Variants in MYLK observed in about 807,000 individuals in gnomAD.
MYLK encodes the protein myosin light chain kinase, smooth muscle.
Under a neutral mutation model 203.4 loss-of-function variants are expected in MYLK, and 106 were observed. The ratio of observed to expected loss-of-function variants is 0.52; its 90% CI spans 0.45 to 0.61. MYLK has a LOEUF of 0.61. Among genes scored for constraint, MYLK ranks in the 20% least tolerant of loss-of-function variants. The probability of loss-of-function intolerance (pLI) is 0.00; values close to 1 mark genes in which losing one functional copy is unlikely to be tolerated. For synonymous variants in MYLK, 867 were observed against 959.5 expected, an observed-to-expected ratio of 0.90 and a Z score of 1.78; for missense variants, 2,072 against 2,442.3, an observed-to-expected ratio of 0.85 and a Z score of 3.20.
intron 3 of MYLK, chr3:123,799,944 A>T (rs2065134813): frequency 6.6e-6 from 1 of 152,238 alleles, no homozygotes; most frequent in African/African-American, 2.4e-5. Flanking sequence ...CCAAGAATGG[A>T]GACCGAAGGA....
chr3:123,638,231 A>G, intron 28 of MYLK, 37 bp from the exon 29 acceptor site: 1 of 1,612,950 alleles, frequency 6.2e-7, no homozygotes, highest in Non-Finnish European at 8.5e-7. Flanking sequence ...TTGCCAGCAC[A>G]TCACGGAGCC....
At chr3:123,634,979 C>T (rs186120976) in intron 29 of MYLK, among the ~76,000 whole-genome samples, 3 of 152,322 alleles carry the variant, frequency 2.0e-5, no homozygotes, top group Non-Finnish European at 4.4e-5. Context: ...GGGGGCTCCA[C>T]GACCCCATTC....
At chr3:123,804,555 T>C (rs1367684901) in intron 3 of MYLK, among the ~76,000 whole-genome samples, 1 of 152,184 alleles carries the variant, frequency 6.6e-6, no homozygotes, top group Non-Finnish European at 1.5e-5. Flanking sequence ...CTGCAGACTG[T>C]AGATCCCATG....
At chr3:123,698,317 C>T (rs547069772) in intron 18 of MYLK, among the ~76,000 whole-genome samples, 1 of 152,262 alleles carries the variant, frequency 6.6e-6, no homozygotes, top group East Asian at 1.9e-4. Context: ...GCAAGAGAGG[C>T]CATGCAGGGA....
rs780528861 is a variant in MYLK, at chr3:123,642,419, C to A, written c.4620-1915G>T. On this transcript the variant is annotated intron_variant, in intron 27 of 33. Coordinates refer to ENST00000360304, the MANE Select transcript of MYLK (RefSeq NM_053025.4). The surrounding 1 kb of genome is among the most constrained non-coding windows in gnomAD (Gnocchi z 4.2). The stretch of plus-strand genomic sequence containing the variant: ...AGGTGGATCTTGTCACTGACCCCTG[C>A]AGGAGAGAGACAGGGATGCACTGTG... Among the ~76,000 whole-genome samples the A allele has an allele frequency of 1.3e-5, 2 of 152,206 alleles. No individual in the cohort carries two copies. Among genetic ancestry groups the A allele is most frequent in the Admixed American group, 6.5e-5 (1 of 15,286 alleles).
chr3:123,747,322 CAT>C (rs2063050236), intron 5 of MYLK, among the ~76,000 whole-genome samples: 1 of 152,150 alleles, frequency 6.6e-6, no homozygotes, highest in African/African-American at 2.4e-5. Flanking sequence ...CTCTCTCTCA[CAT>C]AGTCAGAGCC....
chr3:123,827,435 C>A (rs2066156903), intron 3 of MYLK, among the ~76,000 whole-genome samples: 1 of 151,656 alleles, frequency 6.6e-6, no homozygotes, highest in African/African-American at 2.4e-5. Flanking sequence ...ATAAGGGAAT[C>A]TCTATTAGAC....
chr3:123,738,485 C>T (rs1250823289), intron 7 of MYLK, among the ~76,000 whole-genome samples: 3 of 152,172 alleles, frequency 2.0e-5, no homozygotes, highest in Non-Finnish European at 4.4e-5. Flanking sequence ...CCTGAATTTT[C>T]AGGGTCCCTA....
chr3:123,620,543 T>C (rs2057800832), intron 31 of MYLK: 6 of 1,417,058 alleles, frequency 4.2e-6, no homozygotes, highest in South Asian at 1.4e-5. Flanking sequence ...GTTCAGAGAA[T>C]GGAATGGGGC....
Position 123,720,245 on chromosome 3 carries a change from C to T in MYLK, c.1804+1883G>A, listed in dbSNP as rs1361331271. On this transcript the variant is annotated intron_variant, in intron 13 of 33. Coordinates refer to ENST00000360304, the MANE Select transcript of MYLK (RefSeq NM_053025.4). ...TGGTGATCCTTCAGGTCCCAGCCCC[C>T]ACAGGCCCGGGAGTCAGGAGGATGG... 3.3e-5 allele frequency among the ~76,000 whole-genome samples: 5 copies of T among 152,164 alleles called. No homozygotes were observed. In the East Asian group the frequency reaches 5.8e-4, roughly 18 times the overall value.
chr3:123,701,364 C>T, intron 17 of MYLK, 74 bp downstream of exon 17: 1 of 1,482,960 alleles, frequency 6.7e-7, no homozygotes, highest in Admixed American at 1.7e-5. Context: ...GGCTGCTGGG[C>T]TGGAGCTGCC....
rs570109662 is a variant in MYLK, at chr3:123,665,889, G to A, written c.3831+330C>T. Among the ~76,000 whole-genome samples, 11 of 152,302 alleles carry A rather than the reference G, an allele frequency of 7.2e-5. No homozygotes were observed. In the South Asian group the frequency reaches 2.3e-3, roughly 32 times the overall value. On this transcript the variant is annotated intron_variant, in intron 22 of 33. Coordinates refer to ENST00000360304, the MANE Select transcript of MYLK (RefSeq NM_053025.4). ...GCTCATGGAGTCTAAGGGTCATCTT[G>A]GGTCACAGGCTCGACTTTCCTGACT...
intron 3 of MYLK, among the ~76,000 whole-genome samples, chr3:123,798,919 C>T (rs2065088518): frequency 6.6e-6 from 1 of 152,144 alleles, no homozygotes; most frequent in African/African-American, 2.4e-5. Context: ...TAGACCAAAC[C>T]TCGTTCCTCT....
chr3:123,646,942 G>A (rs1183545796), intron 27 of MYLK: 21 of 501,326 alleles, frequency 4.2e-5, no homozygotes, highest in South Asian at 1.7e-4. Flanking sequence ...GGAGATGAGG[G>A]CGAGAAAGAC....
chr3:123,825,005 T>C (rs1405571713), intron 3 of MYLK, among the ~76,000 whole-genome samples: 1 of 151,786 alleles, frequency 6.6e-6, no homozygotes, highest in Non-Finnish European at 1.5e-5. Context: ...AAAAGCTGGA[T>C]ATGGTGGTGT....
chr3:123,875,256 C>T (rs1391087688), intron 2 of MYLK, among the ~76,000 whole-genome samples: 5 of 152,180 alleles, frequency 3.3e-5, no homozygotes, highest in Admixed American at 6.6e-5. Flanking sequence ...CACGGTGATA[C>T]GTCTTTACAA....
intron 19 of MYLK, among the ~76,000 whole-genome samples, chr3:123,684,742 G>A (rs1021795681): frequency 6.6e-6 from 1 of 152,140 alleles, no homozygotes; most frequent in African/African-American, 2.4e-5. Context: ...CGCCATGTTG[G>A]CCAGGCTGGT....
chr3:123,763,299 C>T (rs1288477602), intron 4 of MYLK, among the ~76,000 whole-genome samples: 1 of 152,106 alleles, frequency 6.6e-6, no homozygotes, highest in Non-Finnish European at 1.5e-5. Flanking sequence ...AGAGATAACC[C>T]TCCCGGAACA....
At chr3:123,747,549 C>T (rs977613408) in intron 5 of MYLK, among the ~76,000 whole-genome samples, 1 of 152,322 alleles carries the variant, frequency 6.6e-6, no homozygotes, top group South Asian at 2.1e-4. Context: ...ATATATCACA[C>T]ATGTAATTAA....
Sources: gnomAD v4.1 joint callset for allele counts (sites outside exome capture counted in the v4.1 genomes callset) on GRCh38, gnomAD v4.1.1 for gene constraint, Gnocchi (gnomAD v3.1) non-coding constraint, MANE v1.5 for transcripts, NCBI Gene and HGNC (gene_info 2026-07-23, HGNC 2026-07-21) for gene names.